ATF7: variants seen among roughly 807,000 people sequenced by gnomAD.
ATF7 encodes the protein activating transcription factor 7, also known as cyclic AMP-dependent transcription factor ATF-7.
Under a neutral mutation model 50.4 loss-of-function variants are expected in ATF7, and 10 were observed. That is an observed-to-expected ratio of 0.20 (90% CI 0.12 to 0.34). ATF7 has a LOEUF of 0.34. Ranked by LOEUF, ATF7 falls within the 10% of genes least tolerant of loss-of-function variation. The probability of loss-of-function intolerance (pLI) is 1.00; values close to 1 mark genes in which losing one functional copy is unlikely to be tolerated. For missense variants in ATF7, 465 were observed against 613.9 expected, an observed-to-expected ratio of 0.76 and a Z score of 2.56; for synonymous variants, 201 against 226.4, an observed-to-expected ratio of 0.89 and a Z score of 1.01.
At chr12:53,562,331 C>G (rs1450176900) in intron 2 of ATF7, among the ~76,000 whole-genome samples, 2 of 152,074 alleles carry the variant, frequency 1.3e-5, no homozygotes, top group Non-Finnish European at 1.5e-5. Context: ...CAAAGCAACC[C>G]CAACCTACAA....
rs150505931 is a variant in ATF7, at chr12:53,557,732, T to C, written c.49-5095A>G. Among the ~76,000 whole-genome samples, 47 of 152,316 alleles carry C rather than the reference T, an allele frequency of 3.1e-4. 1 individual carries two copies. Among genetic ancestry groups the C allele is most frequent in the African/African-American group, 1.1e-3 (46 of 41,580 alleles). On this transcript the variant is annotated intron_variant, in intron 2 of 11. Coordinates refer to ENST00000420353, the MANE Select transcript of ATF7 (RefSeq NM_006856.3). ...CCCCCATCTGAAGACTAAGATCATC[T>C]AGATCTGCACTATCTGATATGGTAG...
intron 2 of ATF7, among the ~76,000 whole-genome samples, chr12:53,564,404 C>A (rs892545183): frequency 1.3e-5 from 2 of 152,154 alleles, no homozygotes; most frequent in African/African-American, 2.4e-5. Context: ...AACTAAAATA[C>A]CTTGTGCAAA....
chr12:53,582,728 G>A (rs1260222382), intron 2 of ATF7, among the ~76,000 whole-genome samples: 6 of 152,020 alleles, frequency 3.9e-5, no homozygotes, highest in African/African-American at 1.4e-4. Flanking sequence ...ACAAGTCCCC[G>A]CCACCACGCC....
chr12:53,623,400 G>A (rs1158533078), intron 1 of ATF7, among the ~76,000 whole-genome samples: 4 of 152,154 alleles, frequency 2.6e-5, no homozygotes, highest in African/African-American at 7.2e-5. Context: ...ACTTTTTCAT[G>A]AACTCCAAAA....
At chr12:53,571,769 A>G (rs1399052894) in intron 2 of ATF7, among the ~76,000 whole-genome samples, 1 of 152,078 alleles carries the variant, frequency 6.6e-6, no homozygotes, top group Non-Finnish European at 1.5e-5. Flanking sequence ...TTTCTATTAT[A>G]TAAAAAATGT....
chr12:53,534,722 G>C, intron 5 of ATF7, 63 bp from the exon 6 acceptor site: 3 of 1,530,620 alleles, frequency 2.0e-6, no homozygotes, highest in Non-Finnish European at 2.7e-6. Flanking sequence ...GAAATATATA[G>C]ATGGTAAAAT....
intron 3 of ATF7, among the ~76,000 whole-genome samples, chr12:53,549,202 G>A (rs1226169797): frequency 6.6e-6 from 1 of 151,246 alleles, no homozygotes; most frequent in Non-Finnish European, 1.5e-5. Flanking sequence ...CAGGAGAATG[G>A]CATGAACCCG....
chr12:53,600,089 A>T (rs1943329002), intron 2 of ATF7, among the ~76,000 whole-genome samples: 1 of 152,210 alleles, frequency 6.6e-6, no homozygotes, highest in Admixed American at 6.5e-5. Flanking sequence ...GACAGAGAAA[A>T]TGTTTATATA....
chr12:53,549,582 TTTTG>T (rs1199067049), intron 3 of ATF7, among the ~76,000 whole-genome samples: 1 of 151,938 alleles, frequency 6.6e-6, no homozygotes, highest in Non-Finnish European at 1.5e-5. Flanking sequence ...TTTGTATTTT[TTTTG>T]TTTGTTTTTT....
At chr12:53,619,410 C>A (rs1031665804) in intron 1 of ATF7, among the ~76,000 whole-genome samples, 2 of 150,762 alleles carry the variant, frequency 1.3e-5, no homozygotes, top group African/African-American at 2.5e-5. Flanking sequence ...CTCCTTGAAC[C>A]CAGGAGGCAG....
At chr12:53,519,722 C>A (rs1466531710) in intron 11 of ATF7, among the ~76,000 whole-genome samples, 1 of 152,108 alleles carries the variant, frequency 6.6e-6, no homozygotes, top group Non-Finnish European at 1.5e-5. Flanking sequence ...CAGTCCTTAT[C>A]CTCTTTAGCC....
intron 4 of ATF7, among the ~76,000 whole-genome samples, chr12:53,542,098 G>A (rs1252220089): frequency 4.1e-5 from 4 of 97,830 alleles, no homozygotes; most frequent in Non-Finnish European, 8.6e-5. Flanking sequence ...GAGCCACTGC[G>A]CCTGGCCTGT....
rs963423429 is a variant in ATF7 at position 53,620,190 on chromosome 12, G to A, written c.-22+6089C>T. ...ACGGTGGCTCACGCCTGTAATCCTA[G>A]CACTTTGGGAGGCCGAGGTAGGTGG... is the stretch of plus-strand genomic sequence containing the variant. On this transcript the variant is annotated intron_variant, in intron 1 of 11. Coordinates refer to ENST00000420353, the MANE Select transcript of ATF7 (RefSeq NM_006856.3). Among the ~76,000 whole-genome samples the A allele has an allele frequency of 7.9e-5, 12 of 152,106 alleles. No homozygotes were observed. The East Asian group carries it at 9.7e-4, about 12-fold the overall frequency.
intron 11 of ATF7, among the ~76,000 whole-genome samples, chr12:53,522,102 A>C (rs1938159516): frequency 6.6e-6 from 1 of 152,240 alleles, no homozygotes; most frequent in Non-Finnish European, 1.5e-5. Context: ...TGTCCTGAGC[A>C]CAACTCTGTG....
At chr12:53,612,802 G>C (rs897458468) in intron 1 of ATF7, among the ~76,000 whole-genome samples, 1 of 152,120 alleles carries the variant, frequency 6.6e-6, no homozygotes, top group Admixed American at 6.6e-5. Flanking sequence ...CCAGGAGTTC[G>C]AGACCAGCTT....
chr12:53,596,067 G>A (rs1225733986), intron 2 of ATF7, among the ~76,000 whole-genome samples: 1 of 152,182 alleles, frequency 6.6e-6, no homozygotes, highest in East Asian at 1.9e-4. Context: ...GGAAGACCAA[G>A]AGGGGCAGAT....
chr12:53,625,806 G>C (rs1194624095), intron 1 of ATF7: 1 of 152,170 alleles, frequency 6.6e-6, no homozygotes, highest in Non-Finnish European at 1.5e-5. Context: ...GAAGCCCTGG[G>C]TTTCTAACTT....
chr12:53,617,921 A>C (rs1262971929), intron 1 of ATF7, among the ~76,000 whole-genome samples: 1 of 152,020 alleles, frequency 6.6e-6, no homozygotes, highest in African/African-American at 2.4e-5. Flanking sequence ...AAACAAAAGG[A>C]CAAACAAGAG....
intron 1 of ATF7, among the ~76,000 whole-genome samples, chr12:53,603,658 T>C (rs1380687135): frequency 6.6e-6 from 1 of 152,010 alleles, no homozygotes; most frequent in Non-Finnish European, 1.5e-5. Context: ...TTAAAATTTT[T>C]TTCACTCTAA....
Sources: allele counts gnomAD v4.1 joint callset (sites outside exome capture counted in the v4.1 genomes callset), GRCh38; gene constraint gnomAD v4.1.1; transcripts MANE v1.5; gene names NCBI Gene and HGNC (gene_info 2026-07-23, HGNC 2026-07-21).